TSEN2: variants seen among roughly 807,000 people sequenced by gnomAD.
TSEN2 encodes tRNA-splicing endonuclease subunit Sen2.
TSEN2 carries 54 observed loss-of-function variants against 59.2 expected under a neutral mutation model. That is an observed-to-expected ratio of 0.91 (90% CI 0.73 to 1.14). TSEN2 has a LOEUF of 1.14. Among genes scored for constraint, TSEN2 ranks in the 50% most tolerant of loss-of-function variants. The pLI, the probability that TSEN2 is intolerant of heterozygous loss-of-function variation, is 0.00. For synonymous variants in TSEN2, 195 were observed against 198.2 expected (o/e 0.98, Z 0.14); for missense variants, 636 against 576.2 (o/e 1.10, Z -1.06).
chr3:12,538,112 A>G (rs1420998152), downstream of TSEN2, among the ~76,000 whole-genome samples: 2 of 152,270 alleles, frequency 1.3e-5, no homozygotes, highest in African/African-American at 4.8e-5. Flanking sequence ...AAATGTCGCT[A>G]TGCCATGCAT....
intron 4 of TSEN2, among the ~76,000 whole-genome samples, chr3:12,499,023 G>A (rs1273506883): frequency 3.3e-5 from 5 of 152,124 alleles, no homozygotes; most frequent in Non-Finnish European, 7.3e-5. Flanking sequence ...GCCTCCCAAA[G>A]CACCAGGATT....
intron 1 of TSEN2, among the ~76,000 whole-genome samples, chr3:12,489,174 A>C (rs1210293860): frequency 6.6e-6 from 1 of 152,138 alleles, no homozygotes; most frequent in African/African-American, 2.4e-5. Context: ...CTGGCTTTAG[A>C]GTCCCTGCTT....
At chr3:12,534,880 A>C (rs1214978306), downstream of TSEN2, among the ~76,000 whole-genome samples, 3 of 151,324 alleles carry the variant, frequency 2.0e-5, no homozygotes, top group Non-Finnish European at 4.4e-5. Context: ...CTGAGGCAGG[A>C]GAATCACTTG....
chr3:12,529,040 C>T (rs965938455), intron 9 of TSEN2, 116 bp downstream of exon 9: 14 of 987,462 alleles, frequency 1.4e-5, no homozygotes, highest in Admixed American at 8.6e-5. Flanking sequence ...TGGCCTGATA[C>T]GAATAGATGC....
At chr3:12,512,998 A>G (rs1320170371) in intron 6 of TSEN2, among the ~76,000 whole-genome samples, 1 of 152,212 alleles carries the variant, frequency 6.6e-6, no homozygotes, top group African/African-American at 2.4e-5. Context: ...ATGAGATTGC[A>G]GGGGATGTGA....
At chr3:12,521,744 G>C (rs1386231866) in intron 8 of TSEN2, among the ~76,000 whole-genome samples, 1 of 152,070 alleles carries the variant, frequency 6.6e-6, no homozygotes, top group Non-Finnish European at 1.5e-5. Flanking sequence ...GGGCGCGGTG[G>C]CTCACGCCTG....
At chr3:12,482,022 T>C (rs761634092), upstream of TSEN2, among the ~76,000 whole-genome samples, 7 of 152,104 alleles carry the variant, frequency 4.6e-5, no homozygotes, top group Non-Finnish European at 8.8e-5. Flanking sequence ...TGAAGTTATA[T>C]CATGTCTGGG....
intron 1 of TSEN2, among the ~76,000 whole-genome samples, chr3:12,485,244 C>T (rs920138933): frequency 3.9e-5 from 6 of 152,076 alleles, no homozygotes; most frequent in African/African-American, 9.7e-5. Flanking sequence ...GGCACCTAGT[C>T]CAGGAAGGTT....
At chr3:12,487,398 TGA>T (rs2052729969) in intron 1 of TSEN2, among the ~76,000 whole-genome samples, 1 of 152,238 alleles carries the variant, frequency 6.6e-6, no homozygotes, top group Non-Finnish European at 1.5e-5. Context: ...GACAGCAGTC[TGA>T]GAGGGAAAAA....
At chr3:12,514,781 CAA>C (rs1162631476) in intron 6 of TSEN2, 2 of 152,148 alleles carry the variant, frequency 1.3e-5, no homozygotes, top group Non-Finnish European at 2.9e-5. Flanking sequence ...ACGGATGACA[CAA>C]GTTTGTGAAG....
intron 10 of TSEN2, chr3:12,539,061 C>A: frequency 2.5e-6 from 1 of 405,340 alleles, no homozygotes; most frequent in East Asian, 7.7e-5. Flanking sequence ...GTGACCATTT[C>A]CTGATTTAGA....
At chr3:12,534,726 C>T (rs1168337224), downstream of TSEN2, among the ~76,000 whole-genome samples, 1 of 151,586 alleles carries the variant, frequency 6.6e-6, no homozygotes, top group Admixed American at 6.6e-5. Context: ...ATGGCATGAA[C>T]CCAGGAGGTG....
In TSEN2 at chr3:12,489,778, T is replaced by G; in HGVS notation, c.-17-6T>G. 1 of 1,609,874 alleles carries G rather than the reference T, an allele frequency of 6.2e-7. No individual in the cohort carries two copies. Reference sequence around the variant, plus strand: ...TTTCTTTCTGTTTGTTGTCTACTCTTTAAAGAATACCTCCTCTGAAAAATG... The same window carrying G: ...TTTCTTTCTGTTTGTTGTCTACTCTGTAAAGAATACCTCCTCTGAAAAATG... On this transcript the variant is annotated splice_region_variant and splice_polypyrimidine_tract_variant and intron_variant, in intron 1 of 11. Transcript: ENST00000284995.
chr3:12,485,257 A>C (rs1443194977), intron 1 of TSEN2, among the ~76,000 whole-genome samples: 2 of 152,194 alleles, frequency 1.3e-5, no homozygotes, highest in Non-Finnish European at 2.9e-5. Context: ...GGAAGGTTGG[A>C]AAATTAAATG....
At chr3:12,511,825 C>T (rs1015511037) in intron 6 of TSEN2, among the ~76,000 whole-genome samples, 3 of 151,928 alleles carry the variant, frequency 2.0e-5, no homozygotes, top group Non-Finnish European at 2.9e-5. Flanking sequence ...CCTTGGCCTC[C>T]GAAAGTGCTA....
intron 6 of TSEN2, among the ~76,000 whole-genome samples, chr3:12,508,904 A>T (rs951966714): frequency 6.6e-6 from 1 of 152,176 alleles, no homozygotes; most frequent in Non-Finnish European, 1.5e-5. Context: ...TCTGTTGCCC[A>T]GGCTGGAGTG....
intron 4 of TSEN2, 36 bp downstream of exon 4, chr3:12,496,590 A>G: frequency 1.2e-6 from 2 of 1,611,356 alleles, no homozygotes; most frequent in Non-Finnish European, 8.5e-7. Flanking sequence ...TGTCAAAATG[A>G]TGGTTTAAGT....
chr3:12,500,151 CTT>C (rs1181918070), intron 4 of TSEN2, among the ~76,000 whole-genome samples: 1 of 152,204 alleles, frequency 6.6e-6, no homozygotes, highest in African/African-American at 2.4e-5. Flanking sequence ...CCCCTTAACA[CTT>C]TCTGCATTTT....
intron 8 of TSEN2, among the ~76,000 whole-genome samples, chr3:12,524,184 G>A (rs928906243): frequency 6.6e-6 from 1 of 152,158 alleles, no homozygotes; most frequent in Non-Finnish European, 1.5e-5. Flanking sequence ...CCTACTGCCT[G>A]GCTTCCCAAA....
Sources: gnomAD v4.1 joint callset for allele counts (sites outside exome capture counted in the v4.1 genomes callset) on GRCh38, gnomAD v4.1.1 for gene constraint, MANE v1.5 for transcripts, NCBI Gene and HGNC (gene_info 2026-07-23, HGNC 2026-07-21) for gene names.